Variants in SLC12A8 observed in about 807,000 individuals in gnomAD.
SLC12A8 encodes the protein solute carrier family 12 member 8, also known as cation-chloride cotransporter 9.
Under a neutral mutation model 75.6 loss-of-function variants are expected in SLC12A8, and 69 were observed. The observed-to-expected ratio is 0.91, with a 90% CI of 0.75 to 1.11. The LOEUF is 1.11. Among genes scored for constraint, SLC12A8 ranks in the 50% most tolerant of loss-of-function variants. SLC12A8 has a pLI of 0.00. For missense variants in SLC12A8, 877 were observed against 896.7 expected (o/e 0.98, Z 0.28); for synonymous variants, 365 against 372.8 (o/e 0.98, Z 0.24).
chr3:125,129,219 G>A (rs536741240), intron 6 of SLC12A8, among the ~76,000 whole-genome samples: 22 of 152,284 alleles, frequency 1.4e-4, no homozygotes, highest in African/African-American at 5.3e-4. Flanking sequence ...TCTTTTCAGT[G>A]AATTTCCATT....
At chr3:125,096,208 C>A (rs892741120) in intron 10 of SLC12A8, among the ~76,000 whole-genome samples, 1 of 152,212 alleles carries the variant, frequency 6.6e-6, no homozygotes, top group African/African-American at 2.4e-5. Flanking sequence ...CTGCTTCATG[C>A]AATTCAGTTC....
intron 2 of SLC12A8, among the ~76,000 whole-genome samples, chr3:125,204,211 G>C (rs1164600683): frequency 6.6e-6 from 1 of 152,184 alleles, no homozygotes; most frequent in East Asian, 1.9e-4. Flanking sequence ...ACTACCATAT[G>C]ATCCAGCAAT....
chr3:125,139,454 T>C lies in SLC12A8; in HGVS notation c.623-3672A>G, dbSNP rs928140716. Among the ~76,000 whole-genome samples, 27 of 152,236 alleles carry C rather than the reference T, an allele frequency of 1.8e-4. 1 individual carries two copies. The highest frequency in any genetic ancestry group is 1.4e-3 in the Admixed American group (22 of 15,300). On this transcript the variant is annotated intron_variant, in intron 5 of 13. Coordinates refer to ENST00000469902, the MANE Select transcript of SLC12A8 (RefSeq NM_024628.6). Reference sequence around the variant, plus strand: ...GACCCTGCCTCATTTCCTCTGCCCCTATTTTCCCAGGCCCTCATGACTTGC... The same window carrying C: ...GACCCTGCCTCATTTCCTCTGCCCCCATTTTCCCAGGCCCTCATGACTTGC...
At chr3:125,165,672 G>A (rs772458738) in intron 5 of SLC12A8, among the ~76,000 whole-genome samples, 18 of 152,202 alleles carry the variant, frequency 1.2e-4, no homozygotes, top group East Asian at 1.9e-4. Context: ...TCACCCGTCC[G>A]GGCAGAAAAG....
chr3:125,146,294 G>T (rs1277416467), intron 5 of SLC12A8, among the ~76,000 whole-genome samples: 1 of 152,206 alleles, frequency 6.6e-6, no homozygotes, highest in Admixed American at 6.5e-5. Context: ...TAGAACAGAA[G>T]TTAGTGGGGG....
chr3:125,150,703 G>A (rs902398949), intron 5 of SLC12A8, among the ~76,000 whole-genome samples: 1 of 152,138 alleles, frequency 6.6e-6, no homozygotes, highest in Non-Finnish European at 1.5e-5. Flanking sequence ...CTTGCAGTGC[G>A]ATTCTTGTAC....
intron 5 of SLC12A8, among the ~76,000 whole-genome samples, chr3:125,162,967 A>C (rs1246426959): frequency 2.0e-5 from 3 of 152,188 alleles, no homozygotes; most frequent in Non-Finnish European, 4.4e-5. Flanking sequence ...GATGGGAAGA[A>C]AGAAAAAGAA....
At chr3:125,179,718 AG>A (rs1934611574) in intron 4 of SLC12A8, among the ~76,000 whole-genome samples, 1 of 103,068 alleles carries the variant, frequency 9.7e-6, no homozygotes, top group Non-Finnish European at 2.2e-5. Flanking sequence ...AGAGAGAGAG[AG>A]AGAGAGAGAG....
At position 125,082,771 on chromosome 3, in the gene SLC12A8, T is replaced by C. The variant is rs890395680; in HGVS notation, c.*1119A>G. 6.6e-6 allele frequency: 1 copy of C among 152,244 alleles called. No homozygotes were observed. The highest frequency in any genetic ancestry group is 1.5e-5 in the Non-Finnish European group (1 of 68,034). 9.4% of individuals were successfully genotyped at this position (152,244 alleles called of 1,614,324 possible). A position where few individuals can be genotyped will look rare whatever the true frequency, so the allele number is the denominator to read the frequency against. Reference sequence around the variant, plus strand: ...AGAGATACACTTTATGCTTGCACATTTGTACAAGATTATTCACTGCAGAGC... The same window carrying C: ...AGAGATACACTTTATGCTTGCACATCTGTACAAGATTATTCACTGCAGAGC... On this transcript the variant is annotated 3_prime_UTR_variant, in exon 14 of 14. Transcript: ENST00000469902.
chr3:125,190,372 C>T lies in SLC12A8; in HGVS notation c.198+3G>A. ...GGCTCCAGGCCACCAACTCAGCACTCACCACCAGCCAGCCAGTCCTCAGGA... is the reference window on the plus strand; with the variant it reads ...GGCTCCAGGCCACCAACTCAGCACTTACCACCAGCCAGCCAGTCCTCAGGA... On this transcript the variant is annotated splice_donor_region_variant and intron_variant, in intron 3 of 13. Transcript: ENST00000469902. 6.2e-7 allele frequency: 1 copy of T among 1,614,104 alleles called. No homozygotes were observed.
Position 125,107,873 on chromosome 3 carries a change from G to A in SLC12A8, c.1313C>T (p.Ala438Val). The change falls in exon 10 of 14, where the codon GCT becomes GTT. Residue 438 changes from alanine to valine, a missense_variant. By Grantham distance (64) the Ala-to-Val change is moderately conservative (BLOSUM62 0). Coordinates refer to ENST00000469902, the MANE Select transcript of SLC12A8 (RefSeq NM_024628.6). Reference protein sequence around the residue: ...HCSEHLLLEKAPSYGSEGPAQ... With the variant: ...HCSEHLLLEKVPSYGSEGPAQ... ...AGGTCCCTCAGAGCCGTAACTGGGA[G>A]CTTTCTCTAAGAGCAGGTGCTCAGA... 4.3e-6 allele frequency: 7 copies of A among 1,614,172 alleles called. No homozygotes were observed. The highest frequency in any genetic ancestry group is 5.9e-6 in the Non-Finnish European group (7 of 1,180,036).
rs145653703 is a variant in SLC12A8, at chr3:125,150,314, C to T, written c.623-14532G>A. On this transcript the variant is annotated intron_variant, in intron 5 of 13. Transcript: ENST00000469902. ...TTCTCCTGGTTACTACCCCAACAGT[C>T]ATATTGGAAGCAAGGCTGGTTACTC... Among the ~76,000 whole-genome samples the T allele has an allele frequency of 3.7e-3, 559 of 152,282 alleles. 6 individuals are homozygous for T. The highest frequency in any genetic ancestry group is 0.014 in the Middle Eastern group (4 of 294).
intron 5 of SLC12A8, among the ~76,000 whole-genome samples, chr3:125,150,867 G>A (rs1039772024): frequency 8.5e-5 from 13 of 152,312 alleles, no homozygotes; most frequent in African/African-American, 3.1e-4. Context: ...GGGCCTCGAA[G>A]ACAGTAGTTC....
intron 5 of SLC12A8, among the ~76,000 whole-genome samples, chr3:125,176,776 T>C (rs1041940165): frequency 4.8e-5 from 7 of 145,756 alleles, no homozygotes; most frequent in Admixed American, 1.4e-4. Context: ...CACAATGAGA[T>C]ACCATCTCAC....
At chr3:125,099,994 G>A (rs1389109038) in intron 10 of SLC12A8, among the ~76,000 whole-genome samples, 2 of 152,098 alleles carry the variant, frequency 1.3e-5, no homozygotes, top group Non-Finnish European at 2.9e-5. Flanking sequence ...CAGTTAGAAA[G>A]CACAGTAACA....
chr3:125,100,009 T>C (rs1447133926), intron 10 of SLC12A8, among the ~76,000 whole-genome samples: 3 of 151,510 alleles, frequency 2.0e-5, no homozygotes, highest in Non-Finnish European at 4.4e-5. Flanking sequence ...GTAACAGAAA[T>C]GAAAAATGTA....
In SLC12A8 at chr3:125,082,788, C is replaced by T. The variant is rs1350334454; in HGVS notation, c.*1102G>A. 6.6e-5 allele frequency: 10 copies of T among 152,204 alleles called. No homozygotes were observed. The highest frequency in any genetic ancestry group is 6.5e-4 in the Admixed American group (10 of 15,284). The allele number at this position is 152,204 out of a possible 1,614,324, so 9.4% of individuals were successfully genotyped here. On this transcript the variant is annotated 3_prime_UTR_variant, in exon 14 of 14. Coordinates refer to ENST00000469902, the MANE Select transcript of SLC12A8 (RefSeq NM_024628.6). ...TTGCACATTTGTACAAGATTATTCA[C>T]TGCAGAGCTGATTGTCATTGCAAAA...
rs1323872397 is a variant in SLC12A8 at position 125,110,269 on chromosome 3, C to A, written c.979G>T (p.Gly327Ter). ...AGGATGCGGGGAGCTCCATAAAGTC[C>A]TCCCATGCAGGAAGCCAGGGACGAG... Reference protein sequence around the residue: ...YISSLASCMGGLYGAPRILQC... With the variant: ...YISSLASCMG Residue 327 changes from glycine to a stop codon, truncating the protein, a stop_gained, in exon 9 of 14, where the codon GGA (glycine) becomes TGA (stop). Coordinates refer to ENST00000469902, the MANE Select transcript of SLC12A8 (RefSeq NM_024628.6). LOFTEE classifies it high-confidence loss of function. 1 of 1,613,910 alleles carries A rather than the reference C, an allele frequency of 6.2e-7. No individual in the cohort carries two copies. Among genetic ancestry groups the A allele is most frequent in the Non-Finnish European group, 8.5e-7 (1 of 1,179,942 alleles).
chr3:125,154,885 T>G (rs1934012849), intron 5 of SLC12A8: 1 of 152,186 alleles, frequency 6.6e-6, no homozygotes, highest in African/African-American at 2.4e-5. Flanking sequence ...AGGCGGATGA[T>G]GCAGGCATCG....
Sources: gnomAD v4.1 joint callset for allele counts (sites outside exome capture counted in the v4.1 genomes callset) on GRCh38, gnomAD v4.1.1 for gene constraint, MANE v1.5 for transcripts, NCBI Gene and HGNC (gene_info 2026-07-23, HGNC 2026-07-21) for gene names.